Variants in FAAH2 observed in about 807,000 individuals in gnomAD.
FAAH2 encodes fatty-acid amide hydrolase 2.
FAAH2 carries 60 observed loss-of-function variants against 36.9 expected under a neutral mutation model. The observed-to-expected ratio is 1.63, with a 90% CI of 1.32 to 2.02. FAAH2 has a LOEUF of 2.02. FAAH2 is among the 30% of genes most tolerant of loss of function. FAAH2 has a pLI of 0.00. For synonymous variants in FAAH2, 214 were observed against 143.8 expected (o/e 1.49, Z -3.49); for missense variants, 689 against 397.5 (o/e 1.73, Z -6.23).
chrX:57,428,766 G>C (rs1391345867), intron 7 of FAAH2, among the ~76,000 whole-genome samples: 1 of 111,814 alleles, frequency 8.9e-6, no homozygotes, highest in African/African-American at 3.2e-5. Context: ...TTAAGTGTAA[G>C]ACCAAAACTA....
chrX:57,378,814 G>A (rs1230895377), intron 6 of FAAH2, 28 bp downstream of exon 6: 1 of 1,177,175 alleles, frequency 8.5e-7, no homozygotes, highest in East Asian at 3.1e-5. Context: ...TATTTCCTTG[G>A]ACTCTTATCC....
intron 3 of FAAH2, among the ~76,000 whole-genome samples, chrX:57,313,743 G>C (rs771058972): frequency 9.0e-6 from 1 of 110,742 alleles, no homozygotes; most frequent in East Asian, 2.8e-4. Context: ...CCTTACATGA[G>C]GCCCTTAAGG....
the FAAH2 span, among the ~76,000 whole-genome samples, chrX:57,170,177 C>T: frequency 1.8e-5 from 2 of 111,769 alleles, no homozygotes; most frequent in African/African-American, 6.5e-5. Context: ...TGCCATGTTG[C>T]CTAGGCTGGC....
At chrX:57,158,495 C>A in the FAAH2 span, among the ~76,000 whole-genome samples, 3 of 111,894 alleles carry the variant, frequency 2.7e-5, no homozygotes, top group Non-Finnish European at 5.6e-5. Flanking sequence ...TTGTCCACAT[C>A]CTCTCCAGCA....
chrX:57,443,482 C>T (rs902128701), intron 8 of FAAH2, among the ~76,000 whole-genome samples: 1 of 112,173 alleles, frequency 8.9e-6, no homozygotes, highest in Non-Finnish European at 1.9e-5. Context: ...GACTTATCTA[C>T]ACCTGTTATT....
the FAAH2 span, among the ~76,000 whole-genome samples, chrX:57,270,136 G>A: frequency 2.7e-5 from 3 of 111,322 alleles, no homozygotes; most frequent in East Asian, 8.5e-4. Context: ...CCAAATTCCT[G>A]GACAAATACA....
At chrX:57,429,338 C>CAA (rs34604723) in intron 7 of FAAH2, among the ~76,000 whole-genome samples, 124 of 53,091 alleles carry the variant, frequency 2.3e-3, no homozygotes, top group Non-Finnish European at 3.0e-3. Flanking sequence ...GATTCCATCT[C>CAA]AAAAAAAAAA....
chrX:57,436,149 T>C (rs1487944065), intron 8 of FAAH2, among the ~76,000 whole-genome samples: 2 of 111,006 alleles, frequency 1.8e-5, no homozygotes, highest in Non-Finnish European at 3.8e-5. Context: ...GTGGAAATTA[T>C]AGCAATTTTT....
intron 3 of FAAH2, among the ~76,000 whole-genome samples, chrX:57,313,679 T>C (rs1005583105): frequency 2.7e-5 from 3 of 110,120 alleles, no homozygotes; most frequent in African/African-American, 9.9e-5. Flanking sequence ...GAAGGAGAAA[T>C]AAAATTCTTC....
the FAAH2 span, among the ~76,000 whole-genome samples, chrX:57,197,432 A>T: frequency 9.0e-6 from 1 of 110,901 alleles, no homozygotes; most frequent in Non-Finnish European, 1.9e-5. Context: ...CCTTTTGGGG[A>T]TGTTAAAGAA....
At chrX:57,216,544 GTATATGTA>G in the FAAH2 span, among the ~76,000 whole-genome samples, 3 of 26,241 alleles carry the variant, frequency 1.1e-4, no homozygotes, top group African/African-American at 2.3e-4. Flanking sequence ...ATATATATAC[GTATATGTA>G]TATATATATA....
chrX:57,200,109 G>A, the FAAH2 span, among the ~76,000 whole-genome samples: 1 of 109,361 alleles, frequency 9.1e-6, no homozygotes, highest in Non-Finnish European at 1.9e-5. Context: ...AATAAGTAAG[G>A]ATTTACTCCT....
chrX:57,488,877 T>C lies in FAAH2; in HGVS notation c.1544T>C (p.Val515Ala), dbSNP rs757349170. Residue 515 changes from valine (V) to alanine (A), a missense_variant, in exon 11 of 11, where the codon GTG becomes GCG. Coordinates refer to ENST00000374900, the MANE Select transcript of FAAH2 (RefSeq NM_174912.4). ...TTTAATGATCATCTGACCCTGGCTGTGGCCCAGTACTTGGAGAAAACTTTT... is the reference window on the plus strand; with the variant it reads ...TTTAATGATCATCTGACCCTGGCTGCGGCCCAGTACTTGGAGAAAACTTTT... Reference protein sequence around the residue: ...GPFNDHLTLAVAQYLEKTFGG... With the variant: ...GPFNDHLTLAAAQYLEKTFGG... 2.9e-5 allele frequency: 35 copies of C among 1,208,945 alleles called. No individual in the cohort carries two copies. Among genetic ancestry groups the C allele is most frequent in the Non-Finnish European group, 3.8e-5 (34 of 895,073 alleles).
In FAAH2 at chrX:57,296,774, C is replaced by T. The variant is rs192720665; in HGVS notation, c.275+4194C>T. ...AAGTCCTTAAAGGACCTGATGGAGCCGAAAACCACAGCACCAGAACTACAT... is the reference window on the plus strand; with the variant it reads ...AAGTCCTTAAAGGACCTGATGGAGCTGAAAACCACAGCACCAGAACTACAT... On this transcript the variant is annotated intron_variant, in intron 2 of 10. Transcript: ENST00000374900. 7.2e-5 allele frequency among the ~76,000 whole-genome samples: 8 copies of T among 111,490 alleles called. No individual in the cohort carries two copies. The East Asian group carries it at 1.1e-3, about 16-fold the overall frequency.
At chrX:57,398,336 T>G (rs928169707) in intron 7 of FAAH2, among the ~76,000 whole-genome samples, 2 of 112,047 alleles carry the variant, frequency 1.8e-5, no homozygotes, top group Non-Finnish European at 3.8e-5. Context: ...TTGATGATAT[T>G]AATCTTCTGT....
chrX:57,450,029 T>A (rs2056755800), intron 10 of FAAH2, among the ~76,000 whole-genome samples: 1 of 111,514 alleles, frequency 9.0e-6, no homozygotes, highest in African/African-American at 3.3e-5. Flanking sequence ...TTCTATCACC[T>A]AGTTACTCAG....
chrX:57,248,403 C>G, the FAAH2 span, among the ~76,000 whole-genome samples: 1 of 111,568 alleles, frequency 9.0e-6, no homozygotes, highest in Non-Finnish European at 1.9e-5. Context: ...GTTGATCCAT[C>G]TGATAAAAGA....
At chrX:57,253,282 T>C in the FAAH2 span, among the ~76,000 whole-genome samples, 2 of 108,470 alleles carry the variant, frequency 1.8e-5, no homozygotes, top group African/African-American at 6.7e-5. Flanking sequence ...AAAGACCAGA[T>C]CTACGTTTGA....
rs1283313173 is a variant in FAAH2 at position 57,479,250 on chromosome X, A to G, written c.1424-9507A>G. On this transcript the variant is annotated intron_variant, in intron 10 of 10. Coordinates refer to ENST00000374900, the MANE Select transcript of FAAH2 (RefSeq NM_174912.4). ...TAGGTATTTTATTCTCTTTGAAGCA[A>G]TTGTGAATGGGAGTTCACTCATGAT... is the stretch of plus-strand genomic sequence containing the variant. 7.2e-5 allele frequency among the ~76,000 whole-genome samples: 8 copies of G among 111,702 alleles called. No homozygotes were observed. In the South Asian group the frequency reaches 2.3e-3, roughly 31 times the overall value.
Sources: allele counts gnomAD v4.1 joint callset (sites outside exome capture counted in the v4.1 genomes callset), GRCh38; gene constraint gnomAD v4.1.1; transcripts MANE v1.5; gene names NCBI Gene and HGNC (gene_info 2026-07-23, HGNC 2026-07-21).